GAS2L1: variants seen among roughly 807,000 people sequenced by gnomAD.
The protein encoded by GAS2L1 is GAS2-like protein 1.
A neutral mutation model predicts 44.0 loss-of-function variants in GAS2L1; 26 were observed. That is an observed-to-expected ratio of 0.59 (90% CI 0.43 to 0.82). The LOEUF is 0.82. Among genes scored for constraint, GAS2L1 ranks in the 40% least tolerant of loss-of-function variants. The pLI is 0.00. For missense variants in GAS2L1, 1,006 were observed against 983.0 expected (o/e 1.02, Z -0.31); for synonymous variants, 426 against 415.9 (o/e 1.02, Z -0.30).
At chr22:29,310,851 T>C in exon 4 of GAS2L1, 1 of 1,611,904 alleles carries the variant, frequency 6.2e-7, no homozygotes, top group Non-Finnish European at 8.5e-7. Context: ...CAGCCGAGGG[T>C]CTGCACCTTT....
chr22:29,310,614 G>GC (rs2061393246), intron 2 of GAS2L1, 24 bp from the exon 4 acceptor site: 1 of 1,598,942 alleles, frequency 6.3e-7, no homozygotes, highest in South Asian at 1.1e-5. Flanking sequence ...CCGGGGCACA[G>GC]CCGTGACCTG....
At chr22:29,308,494 G>C in exon 1 of GAS2L1, 1 of 1,608,584 alleles carries the variant, frequency 6.2e-7, no homozygotes, top group South Asian at 1.1e-5. Flanking sequence ...CTGGTGCTGC[G>C]CAAGAACGAG....
rs758277407 is a variant in GAS2L1, at chr22:29,312,334, C to A, written c.1883C>A (p.Ser628Ter). 9 of 1,604,966 alleles carry A rather than the reference C, an allele frequency of 5.6e-6. No individual in the cohort carries two copies. The highest frequency in any genetic ancestry group is 4.0e-5 in the African/African-American group (3 of 74,768). Residue 628 changes from serine (S) to a stop codon, truncating the protein, a stop_gained, in exon 5 of 5, where the codon TCG becomes TAG. Coordinates refer to ENST00000618518, the Ensembl canonical transcript of GAS2L1. LOFTEE classifies it high-confidence loss of function. ...AGCCCCCTGGCTTGCACTGAACCCTCGAGGACCTGGGCACGGGGTCGGATG... is the reference window on the plus strand; with the variant it reads ...AGCCCCCTGGCTTGCACTGAACCCTAGAGGACCTGGGCACGGGGTCGGATG...
At chr22:29,312,393 C>T (rs1249461781) in exon 5 of GAS2L1, 3 of 1,585,956 alleles carry the variant, frequency 1.9e-6, no homozygotes, top group Non-Finnish European at 2.6e-6. Context: ...CTCACGTATC[C>T]CCACGCCTCG....
At chr22:29,311,186 C>G in intron 4 of GAS2L1, 188 bp downstream of exon 5, 1 of 617,368 alleles carries the variant, frequency 1.6e-6, no homozygotes, top group South Asian at 2.0e-5. Flanking sequence ...TGGGGCGGGC[C>G]CTGTGGCTGG....
In GAS2L1 at chr22:29,307,170, C is replaced by A. The variant is rs1395069542; in HGVS notation, c.-936C>A. The A allele has an allele frequency of 6.6e-6, 1 of 152,174 alleles. No homozygotes were observed. Among genetic ancestry groups the A allele is most frequent in the Non-Finnish European group, 1.5e-5 (1 of 68,068 alleles). The allele number at this position is 152,174 out of a possible 1,614,324, so 9.4% of individuals were successfully genotyped here. On this transcript the variant is annotated 5_prime_UTR_variant, in exon 1 of 5. Coordinates refer to ENST00000618518, the Ensembl canonical transcript of GAS2L1. ...ATGAGCCAGGTGAGCGCGGAGACCC[C>A]CAGCACTCCCTGCCTGGTGCGCATG...
At chr22:29,312,608 A>G in exon 5 of GAS2L1, 1 of 731,114 alleles carries the variant, frequency 1.4e-6, no homozygotes, top group Non-Finnish European at 2.1e-6. Flanking sequence ...ACCTCATGGG[A>G]CCAGACCCCT....
At chr22:29,309,034 G>T (rs558317957) in intron 1 of GAS2L1, among the ~76,000 whole-genome samples, 2 of 152,376 alleles carry the variant, frequency 1.3e-5, no homozygotes, top group South Asian at 4.1e-4. Context: ...CTGAGCTTGT[G>T]CATTCCTTCT....
At chr22:29,312,249 A>G in exon 5 of GAS2L1, 1 of 1,612,544 alleles carries the variant, frequency 6.2e-7, no homozygotes, top group Non-Finnish European at 8.5e-7. Context: ...AGCCCTTTCC[A>G]GCTCCTCCGA....
exon 1 of GAS2L1, chr22:29,308,286 A>T: frequency 6.2e-7 from 1 of 1,607,892 alleles, no homozygotes; most frequent in Non-Finnish European, 8.5e-7. Flanking sequence ...CACGGGCACG[A>T]CCCTGTGCCA....
chr22:29,307,562 T>A (rs1171074927), exon 1 of GAS2L1: 1 of 152,540 alleles, frequency 6.6e-6, no homozygotes, highest in Non-Finnish European at 1.5e-5. Flanking sequence ...GCGGTCGTGC[T>A]GTTACACTAT....
At position 29,310,565 on chromosome 22, in the gene GAS2L1, C is replaced by A; in HGVS notation, c.741+19C>A. The A allele has an allele frequency of 3.1e-6, 5 of 1,590,274 alleles. No homozygotes were observed. Among genetic ancestry groups the A allele is most frequent in the South Asian group, 1.1e-5 (1 of 90,590 alleles). ...TGTGCGGGTAAGGGCCTGGGGCCGC[C>A]CCAGCGGGCAGCAGCCAAGGTGGTG... On this transcript the variant is annotated intron_variant, in intron 2 of 4. Transcript: ENST00000618518.
chr22:29,311,624 C>G (rs1458594667), exon 5 of GAS2L1: 1 of 1,537,150 alleles, frequency 6.5e-7, no homozygotes, highest in Admixed American at 2.0e-5. Context: ...CCACAGGCAC[C>G]CCGGCCTCTC....
chr22:29,311,745 C>G (rs1162512861), exon 5 of GAS2L1: 23 of 1,533,956 alleles, frequency 1.5e-5, no homozygotes, highest in Non-Finnish European at 1.9e-5. Flanking sequence ...CAGCCCTGCC[C>G]GGCGGGCCCG....
At chr22:29,310,534 C>T in exon 2 of GAS2L1, 1 of 1,606,694 alleles carries the variant, frequency 6.2e-7, no homozygotes, top group Non-Finnish European at 8.5e-7. Context: ...CGAGCCTGCT[C>T]ATCTTTGTGC....
At chr22:29,311,515 G>A (rs1358822506) in exon 5 of GAS2L1, 1 of 1,535,652 alleles carries the variant, frequency 6.5e-7, no homozygotes, top group Non-Finnish European at 8.8e-7. Flanking sequence ...TCCGGGGACA[G>A]TGACTCCTCA....
chr22:29,312,327 G>T lies in GAS2L1; in HGVS notation c.1876G>T (p.Glu626Ter). ...ACCTGGGAGCCCCCTGGCTTGCACT[G>T]AACCCTCGAGGACCTGGGCACGGGG... The change falls in exon 5 of 5, where the codon GAA becomes TAA. Residue 626 changes from glutamate (E) to a stop codon, truncating the protein, a stop_gained. Transcript: ENST00000618518. LOFTEE classifies it high-confidence loss of function. 6.2e-7 allele frequency: 1 copy of T among 1,606,286 alleles called. No individual in the cohort carries two copies. The highest frequency in any genetic ancestry group is 8.5e-7 in the Non-Finnish European group (1 of 1,174,772).
At chr22:29,308,466 A>T (rs751556696) in exon 1 of GAS2L1, 7 of 1,607,960 alleles carry the variant, frequency 4.4e-6, no homozygotes. Context: ...GGAGGTGCTC[A>T]TGTTTGAGAC....
At chr22:29,311,683 G>A (rs767527997) in exon 5 of GAS2L1, 7 of 1,519,218 alleles carry the variant, frequency 4.6e-6, no homozygotes, top group Non-Finnish European at 5.3e-6. Flanking sequence ...CGGCTGGATC[G>A]CGGCCGGCCC....
Sources: gnomAD v4.1 joint callset for allele counts (sites outside exome capture counted in the v4.1 genomes callset) on GRCh38, gnomAD v4.1.1 for gene constraint, MANE v1.5 for transcripts, NCBI Gene and HGNC (gene_info 2026-07-23, HGNC 2026-07-21) for gene names.